The following CEP250 variants were observed in gnomAD, a reference collection of about 807,000 sequenced individuals.
CEP250 encodes the protein centrosome-associated protein CEP250.
A neutral mutation model predicts 315.7 loss-of-function variants in CEP250; 242 were observed. That is an observed-to-expected ratio of 0.77 (90% CI 0.69 to 0.85). The LOEUF is 0.85. CEP250 is among the 40% of genes least tolerant of loss of function. The probability of loss-of-function intolerance (pLI) is 0.00; values close to 1 mark genes in which losing one functional copy is unlikely to be tolerated. For missense variants in CEP250, 2,515 were observed against 2,886.4 expected (o/e 0.87, Z 2.95); for synonymous variants, 1,088 against 1,175.0 (o/e 0.93, Z 1.51).
At chr20:35,490,863 A>G in intron 21 of CEP250, 59 bp downstream of exon 21, 2 of 1,575,082 alleles carry the variant, frequency 1.3e-6, no homozygotes, top group South Asian at 1.1e-5. Context: ...TACCTTGACC[A>G]CTTCCTTTTC....
intron 27 of CEP250, 80 bp from the exon 28 acceptor site, chr20:35,499,968 AG>A: frequency 6.4e-7 from 1 of 1,570,730 alleles, no homozygotes; most frequent in Non-Finnish European, 8.7e-7. Flanking sequence ...ACAGAAGCTG[AG>A]AATGAGGAGA....
chr20:35,504,804 G>A lies in CEP250; in HGVS notation c.6435G>A (p.Glu2145=), dbSNP rs904501712. Reference sequence around the variant, plus strand: ...AATCTCTAAAACTTGATTCTTTAGAGCCCAGGCTGCAGCGGGAGCTGGAGC... The same window carrying A: ...AATCTCTAAAACTTGATTCTTTAGAACCCAGGCTGCAGCGGGAGCTGGAGC... The part of the protein sequence containing the change: ...EEQSLKLDSL[E]PRLQRELERL... The change falls in exon 30 of 35, where the codon GAG becomes GAA. Residue 2145 remains glutamate (E), a synonymous_variant. Transcript: ENST00000397527. 1 of 1,614,112 alleles carries A rather than the reference G, an allele frequency of 6.2e-7. No homozygotes were observed. The highest frequency in any genetic ancestry group is 1.3e-5 in the African/African-American group (1 of 74,934).
chr20:35,490,730 C>G lies in CEP250; in HGVS notation c.2680C>G (p.Gln894Glu), dbSNP rs748752719. Residue 894 changes from glutamine (Q) to glutamate (E), a missense_variant, in exon 21 of 35, where the codon CAG becomes GAG. Transcript: ENST00000397527. ...KMELEMRLKE[Q>E]QTEMEAIQAQ... The stretch of plus-strand genomic sequence containing the variant: ...GGAGCTGGAAATGAGGCTAAAGGAG[C>G]AGCAGACAGAAATGGAGGCCATCCA... 3 of 1,613,944 alleles carry G rather than the reference C, an allele frequency of 1.9e-6. No individual in the cohort carries two copies. Among genetic ancestry groups the G allele is most frequent in the African/African-American group, 1.3e-5 (1 of 75,026 alleles).
At chr20:35,505,188 A>C (rs224380) in intron 30 of CEP250, among the ~76,000 whole-genome samples, 183 bp downstream of exon 30, 150,805 of 152,276 alleles carry the variant, frequency 0.99, 74,689 homozygotes, top group Middle Eastern at 1. Context: ...GAGGATAAGA[A>C]CCCCACAGTC....
chr20:35,505,708 C>T (rs2064168071), intron 30 of CEP250, among the ~76,000 whole-genome samples: 1 of 148,858 alleles, frequency 6.7e-6, no homozygotes, highest in African/African-American at 2.5e-5. Flanking sequence ...TAGCCAAGCA[C>T]AGGTTGAGGA....
At position 35,479,752 on chromosome 20, in the gene CEP250, C is replaced by T; in HGVS notation, c.2395C>T (p.Gln799Ter). 2 of 1,614,160 alleles carry T rather than the reference C, an allele frequency of 1.2e-6. No individual in the cohort carries two copies. Among genetic ancestry groups the T allele is most frequent in the South Asian group, 1.1e-5 (1 of 91,082 alleles). Residue 799 changes from glutamine (Q) to a stop codon, truncating the protein, a stop_gained, in exon 19 of 35, where the codon CAA (glutamine) becomes TAA (stop). Transcript: ENST00000397527. LOFTEE classifies it high-confidence loss of function. ...GGAGGTCCAGATTCAAACTGTCACT[C>T]AAGCCAAGGAAGTAATCCAAGGTGA... The part of the protein sequence containing the change: ...QLEVQIQTVT[Q>*]AKEVIQGEVR...
At chr20:35,484,284 AT>A (rs2063442873) in intron 20 of CEP250, among the ~76,000 whole-genome samples, 1 of 150,340 alleles carries the variant, frequency 6.7e-6, no homozygotes, top group African/African-American at 2.5e-5. Context: ...TCCTCAGAGG[AT>A]TTGTGCTTCT....
Position 35,500,138 on chromosome 20 carries a change from T to A in CEP250, c.3867T>A (p.Asp1289Glu), listed in dbSNP as rs771831316. 1 of 1,614,066 alleles carries A rather than the reference T, an allele frequency of 6.2e-7. No individual in the cohort carries two copies. Among genetic ancestry groups the A allele is most frequent in the Non-Finnish European group, 8.5e-7 (1 of 1,180,008 alleles). Reference protein sequence around the residue: ...EKSQVHTELQDLQRQLSQNQE... With the variant: ...EKSQVHTELQELQRQLSQNQE... ...GCCAGGTCCACACAGAGTTGCAGGA[T>A]CTGCAGAGACAGCTCTCCCAGAATC... Residue 1289 changes from aspartate to glutamate, a missense_variant, in exon 28 of 35, where the codon GAT becomes GAA. Physicochemically the swap from Asp to Glu is conservative, Grantham distance 45. Coordinates refer to ENST00000397527, the MANE Select transcript of CEP250 (RefSeq NM_007186.6).
intron 4 of CEP250, among the ~76,000 whole-genome samples, chr20:35,463,279 T>C (rs1222065855): frequency 6.6e-6 from 1 of 152,186 alleles, no homozygotes; most frequent in Non-Finnish European, 1.5e-5. Flanking sequence ...GGCGCATGCC[T>C]GTAATCCCAG....
At chr20:35,465,398 C>T (rs577320357) in intron 5 of CEP250, among the ~76,000 whole-genome samples, 79 of 134,678 alleles carry the variant, frequency 5.9e-4, no homozygotes, top group Non-Finnish European at 9.3e-4. Context: ...CCAGCCTGGG[C>T]GACAGAGCGA....
At chr20:35,508,246 G>T in intron 32 of CEP250, 56 bp downstream of exon 32, 1 of 1,579,186 alleles carries the variant, frequency 6.3e-7, no homozygotes, top group South Asian at 1.1e-5. Context: ...GTGGTCCCTA[G>T]AGCATAGGCT....
rs770616514 is a variant in CEP250 at position 35,480,125 on chromosome 20, A to T, written c.2566A>T (p.Asn856Tyr). The T allele has an allele frequency of 6.2e-7, 1 of 1,612,190 alleles. No individual in the cohort carries two copies. The highest frequency in any genetic ancestry group is 1.1e-5 in the South Asian group (1 of 90,978). Reference sequence around the variant, plus strand: ...GAAGGCAGCCCATGAGAAAGAGGTGAACCAGCTCCGGGAGAAATGGGTAAG... The same window carrying T: ...GAAGGCAGCCCATGAGAAAGAGGTGTACCAGCTCCGGGAGAAATGGGTAAG... ...QQKAAHEKEV[N>Y]QLREKWEKER... The change falls in exon 20 of 35, where the codon AAC becomes TAC. Residue 856 changes from asparagine (N) to tyrosine (Y), a missense_variant. By Grantham distance (143) the Asn-to-Tyr change is moderately radical (BLOSUM62 -2). Coordinates refer to ENST00000397527, the MANE Select transcript of CEP250 (RefSeq NM_007186.6).
chr20:35,475,264 C>T (rs1343500623), intron 14 of CEP250, among the ~76,000 whole-genome samples: 1 of 152,194 alleles, frequency 6.6e-6, no homozygotes, highest in African/African-American at 2.4e-5. Context: ...CTCCTTCATG[C>T]AAATACGGGC....
chr20:35,479,763 A>G lies in CEP250; in HGVS notation c.2406A>G (p.Glu802=). Residue 802 remains glutamate (E), a synonymous_variant, in exon 19 of 35, where the codon GAA becomes GAG. Transcript: ENST00000397527. ...TTCAAACTGTCACTCAAGCCAAGGAAGTAATCCAAGGTGAGAACCCAACTG... is the reference window on the plus strand; with the variant it reads ...TTCAAACTGTCACTCAAGCCAAGGAGGTAATCCAAGGTGAGAACCCAACTG... ...VQIQTVTQAK[E]VIQGEVRCLK... is the part of the protein sequence containing the mutation. 6.2e-7 allele frequency: 1 copy of G among 1,614,228 alleles called. No individual in the cohort carries two copies. Among genetic ancestry groups the G allele is most frequent in the Non-Finnish European group, 8.5e-7 (1 of 1,180,042 alleles).
At chr20:35,467,149 G>A (rs1406178446) in intron 8 of CEP250, 77 bp downstream of exon 8, 16 of 1,076,556 alleles carry the variant, frequency 1.5e-5, no homozygotes, top group East Asian at 7.6e-5. Flanking sequence ...CTATAGAAGC[G>A]GGATCAGCTG....
chr20:35,476,537 G>A lies in CEP250; in HGVS notation c.1805G>A (p.Ser602Asn). Reference protein sequence around the residue: ...ADLRAAAVKLSALNEALALDK... With the variant: ...ADLRAAAVKLNALNEALALDK... ...CTTCGGGCTGCAGCTGTCAAGCTCAGTGCCTTAAATGAGGCTTTGGCGTTA... is the reference window on the plus strand; with the variant it reads ...CTTCGGGCTGCAGCTGTCAAGCTCAATGCCTTAAATGAGGCTTTGGCGTTA... Residue 602 changes from serine to asparagine, a missense_variant, in exon 16 of 35, where the codon AGT (serine) becomes AAT (asparagine). Physicochemically the swap from Ser to Asn is conservative, Grantham distance 46. Transcript: ENST00000397527. 6.2e-7 allele frequency: 1 copy of A among 1,614,140 alleles called. No individual in the cohort carries two copies. The highest frequency in any genetic ancestry group is 8.5e-7 in the Non-Finnish European group (1 of 1,179,962).
In CEP250 at chr20:35,490,884, A is replaced by G. The variant is rs1033793825; in HGVS notation, c.2754+80A>G. On this transcript the variant is annotated intron_variant, in intron 21 of 34. Coordinates refer to ENST00000397527, the MANE Select transcript of CEP250 (RefSeq NM_007186.6). ...GACCACTTCCTTTTCTACTCCCAAG[A>G]GGAGTGCTGCAGAGGGGCTTCCAGA... is the stretch of plus-strand genomic sequence containing the variant. The G allele has an allele frequency of 3.3e-6, 5 of 1,523,290 alleles. No individual in the cohort carries two copies. The Admixed American group carries it at 9.4e-5, about 29-fold the overall frequency. The allele number at this position is 1,523,290 out of a possible 1,614,324, so 94.4% of individuals were successfully genotyped here.
At position 35,504,406 on chromosome 20, in the gene CEP250, C is replaced by T. The variant is rs753451564; in HGVS notation, c.6037C>T (p.Arg2013Trp). The T allele has an allele frequency of 4.4e-6, 7 of 1,605,460 alleles. No individual in the cohort carries two copies. In the Admixed American group the frequency reaches 6.8e-5, roughly 16 times the overall value. Residue 2013 changes from arginine to tryptophan, a missense_variant, in exon 30 of 35, where the codon CGG (arginine) becomes TGG (tryptophan). Transcript: ENST00000397527. ...ASLDACQAHS[R>W]QLEEALRIQE... is the part of the protein sequence containing the mutation. Reference sequence around the variant, plus strand: ...CCTGGATGCCTGCCAGGCACACAGTCGGCAGCTGGAGGAGGCTCTGAGGAT... The same window carrying T: ...CCTGGATGCCTGCCAGGCACACAGTTGGCAGCTGGAGGAGGCTCTGAGGAT...
chr20:35,502,783 G>T lies in CEP250; in HGVS notation c.4414G>T (p.Val1472Leu). Reference sequence around the variant, plus strand: ...GGACCTGAAGAAGAGGAACCAAGAGGTAGATCTGCAGCAAGAACAGATTCA... The same window carrying T: ...GGACCTGAAGAAGAGGAACCAAGAGTTAGATCTGCAGCAAGAACAGATTCA... ...SLDLKKRNQE[V>L]DLQQEQIQEL... The change falls in exon 30 of 35, where the codon GTA becomes TTA. Residue 1472 changes from valine to leucine, a missense_variant. Coordinates refer to ENST00000397527, the MANE Select transcript of CEP250 (RefSeq NM_007186.6). 6.2e-7 allele frequency: 1 copy of T among 1,614,244 alleles called. No individual in the cohort carries two copies. The highest frequency in any genetic ancestry group is 1.3e-5 in the African/African-American group (1 of 75,066).
Sources: gnomAD v4.1 joint callset for allele counts (sites outside exome capture counted in the v4.1 genomes callset) on GRCh38, gnomAD v4.1.1 for gene constraint, MANE v1.5 for transcripts, NCBI Gene and HGNC (gene_info 2026-07-23, HGNC 2026-07-21) for gene names.